FBXO17: variants seen among roughly 807,000 people sequenced by gnomAD.
The protein encoded by FBXO17 is F-box only protein 17.
A neutral mutation model predicts 34.1 loss-of-function variants in FBXO17; 43 were observed. The ratio of observed to expected loss-of-function variants is 1.26; its 90% CI spans 0.99 to 1.62. The LOEUF is 1.62. Ranked by LOEUF, FBXO17 falls within the 40% of genes most tolerant of loss-of-function variation. The pLI is 0.00. For missense variants in FBXO17, 424 were observed against 386.7 expected, an observed-to-expected ratio of 1.10 and a Z score of -0.81; for synonymous variants, 169 against 166.0, an observed-to-expected ratio of 1.02 and a Z score of -0.14.
At chr19:38,948,540 T>A (rs1259950649) in intron 3 of FBXO17, 27 bp downstream of exon 3, 3 of 1,586,502 alleles carry the variant, frequency 1.9e-6, no homozygotes, top group South Asian at 1.1e-5. Context: ...GCCCCAGGGA[T>A]CGGGGCCTCT....
chr19:38,972,711 G>A (rs1479968508), intron 1 of FBXO17, among the ~76,000 whole-genome samples: 4 of 152,110 alleles, frequency 2.6e-5, no homozygotes, highest in African/African-American at 9.7e-5. Context: ...CAAGTTGAAA[G>A]AGTAATCAAA....
intron 1 of FBXO17, among the ~76,000 whole-genome samples, chr19:38,959,639 C>T (rs1975219512): frequency 6.6e-6 from 1 of 151,902 alleles, no homozygotes; most frequent in African/African-American, 2.4e-5. Flanking sequence ...GCATGTCATC[C>T]CAGCACTTTG....
chr19:38,967,865 T>C (rs1396129974), intron 1 of FBXO17, among the ~76,000 whole-genome samples: 1 of 152,126 alleles, frequency 6.6e-6, no homozygotes, highest in African/African-American at 2.4e-5. Flanking sequence ...CATGCCCAGC[T>C]GGGAAATGCC....
chr19:38,957,831 G>A (rs921733125), intron 1 of FBXO17, among the ~76,000 whole-genome samples: 3 of 152,172 alleles, frequency 2.0e-5, no homozygotes, highest in African/African-American at 7.2e-5. Flanking sequence ...CCCCAGTGTG[G>A]TGGCTTACGC....
intron 3 of FBXO17, 141 bp from the exon 4 acceptor site, chr19:38,946,708 G>GTATAGCCCATCATGCATCTT: frequency 8.5e-7 from 1 of 1,172,420 alleles, no homozygotes; most frequent in Non-Finnish European, 1.2e-6. Flanking sequence ...ACCTGAAGAT[G>GTATAGCCCATCATGCATCTT]CATGATGGGC....
At chr19:38,962,529 A>G (rs1975266254) in intron 1 of FBXO17, among the ~76,000 whole-genome samples, 1 of 152,034 alleles carries the variant, frequency 6.6e-6, no homozygotes, top group Non-Finnish European at 1.5e-5. Flanking sequence ...ATCTTACTGA[A>G]TGGACTTCTG....
At chr19:38,967,723 C>T (rs115112643) in intron 1 of FBXO17, among the ~76,000 whole-genome samples, 2,190 of 152,080 alleles carry the variant, frequency 0.014, 61 homozygotes, top group African/African-American at 0.046. Context: ...CCCACCACCA[C>T]ATTCAGCTAA....
intron 2 of FBXO17, among the ~76,000 whole-genome samples, chr19:38,949,377 G>A (rs1221155937): frequency 6.6e-6 from 1 of 152,106 alleles, no homozygotes; most frequent in African/African-American, 2.4e-5. Flanking sequence ...TGGGATTACA[G>A]GCGTGAGCCA....
chr19:38,950,400 C>A, intron 1 of FBXO17, 64 bp from the exon 2 acceptor site: 2 of 1,386,454 alleles, frequency 1.4e-6, no homozygotes, highest in Non-Finnish European at 9.3e-7. Flanking sequence ...CCTACCTTGT[C>A]CCCCAGGGCG....
intron 1 of FBXO17, among the ~76,000 whole-genome samples, chr19:38,951,048 T>G (rs1304424972): frequency 6.6e-6 from 1 of 151,984 alleles, no homozygotes; most frequent in Admixed American, 6.6e-5. Context: ...CTTCGGCCTC[T>G]CAAAGTGCTG....
In FBXO17 at chr19:38,966,215, C is replaced by A. The variant is rs187543039; in HGVS notation, c.-18+9371G>T. Among the ~76,000 whole-genome samples, 125 of 152,018 alleles carry A rather than the reference C, an allele frequency of 8.2e-4. 1 individual carries two copies. The East Asian group carries it at 0.019, about 23-fold the overall frequency. ...GAACTCCTGACCTCAGGTGATCCAC[C>A]CACCTCGGCTTCCCAAAGTGCTGGG... On this transcript the variant is annotated intron_variant, in intron 1 of 5. Coordinates refer to ENST00000292852, the MANE Select transcript of FBXO17 (RefSeq NM_024907.7).
At chr19:38,961,625 C>T (rs1425059824) in intron 1 of FBXO17, among the ~76,000 whole-genome samples, 1 of 147,954 alleles carries the variant, frequency 6.8e-6, no homozygotes, top group Non-Finnish European at 1.5e-5. Flanking sequence ...CCCAGCCAAC[C>T]TCCCTACTCC....
In FBXO17 at chr19:38,948,110, G is replaced by T. The variant is rs575115315; in HGVS notation, c.461+457C>A. ...CAACATTTGCCTCCTGGGTTCAAGC[G>T]ATTCTCCTGCCTCAGCCTCCACGTC... On this transcript the variant is annotated intron_variant, in intron 3 of 5. Coordinates refer to ENST00000292852, the MANE Select transcript of FBXO17 (RefSeq NM_024907.7). Among the ~76,000 whole-genome samples, 41 of 151,792 alleles carry T rather than the reference G, an allele frequency of 2.7e-4. 1 individual carries two copies. The highest frequency in any genetic ancestry group is 2.6e-3 in the Admixed American group (39 of 15,204).
At chr19:38,970,270 C>T (rs60907066) in intron 1 of FBXO17, among the ~76,000 whole-genome samples, 6,840 of 151,844 alleles carry the variant, frequency 0.045, 489 homozygotes, top group African/African-American at 0.15. Flanking sequence ...TGCATGGCCA[C>T]GATCATAGCT....
intron 1 of FBXO17, among the ~76,000 whole-genome samples, chr19:38,959,438 C>T (rs1975216952): frequency 6.7e-6 from 1 of 150,276 alleles, no homozygotes; most frequent in Admixed American, 6.6e-5. Flanking sequence ...GCCACCATGC[C>T]TAGCTAATTT....
chr19:38,952,382 C>T (rs1216130478), intron 1 of FBXO17, among the ~76,000 whole-genome samples: 1 of 152,206 alleles, frequency 6.6e-6, no homozygotes, highest in East Asian at 1.9e-4. Flanking sequence ...GAACCCATGA[C>T]CCATCTTCAA....
intron 2 of FBXO17, 99 bp from the exon 3 acceptor site, chr19:38,948,777 C>T (rs1397594685): frequency 2.7e-5 from 26 of 951,898 alleles, no homozygotes; most frequent in African/African-American, 6.6e-5. Context: ...GCCTCTCCCT[C>T]TTGTGCTCCA....
chr19:38,952,625 A>C lies in FBXO17; in HGVS notation c.-17-2289T>G, dbSNP rs369923295. 1.7e-5 allele frequency: 9 copies of C among 533,984 alleles called. No homozygotes were observed. In the East Asian group the frequency reaches 3.8e-4, roughly 23 times the overall value. 33.1% of individuals were successfully genotyped at this position (533,984 alleles called of 1,614,324 possible). A position where few individuals can be genotyped will look rare whatever the true frequency, so the allele number is the denominator to read the frequency against. On this transcript the variant is annotated intron_variant, in intron 1 of 5. Transcript: ENST00000292852. ...AGATCATGACTCCTCTCTTCTCCCT[A>C]ATTTTAGCTCTGGGCTCACGGCCGC...
At chr19:38,966,709 G>C (rs984548079) in intron 1 of FBXO17, among the ~76,000 whole-genome samples, 2 of 152,166 alleles carry the variant, frequency 1.3e-5, no homozygotes, top group South Asian at 2.1e-4. Flanking sequence ...AACTGTATCT[G>C]TGTTACAGCT....
Sources: gnomAD v4.1 joint callset for allele counts (sites outside exome capture counted in the v4.1 genomes callset) on GRCh38, gnomAD v4.1.1 for gene constraint, MANE v1.5 for transcripts, NCBI Gene and HGNC (gene_info 2026-07-23, HGNC 2026-07-21) for gene names.